Variants in ADGRF4 observed in about 807,000 individuals in gnomAD.
The protein encoded by ADGRF4 is adhesion G protein-coupled receptor F4, also known as G-protein coupled receptor PGR18.
In ADGRF4, 63 loss-of-function variants were observed where a neutral mutation model predicts 58.5. The ratio of observed to expected loss-of-function variants is 1.08; its 90% CI spans 0.88 to 1.33. ADGRF4 has a LOEUF of 1.33. Among genes scored for constraint, ADGRF4 ranks in the 40% most tolerant of loss-of-function variants. ADGRF4 has a pLI of 0.00. For missense variants in ADGRF4, 931 were observed against 843.9 expected, an observed-to-expected ratio of 1.10 and a Z score of -1.28; for synonymous variants, 313 against 295.4, an observed-to-expected ratio of 1.06 and a Z score of -0.61.
chr6:47,710,806 A>G lies in ADGRF4; in HGVS notation c.220A>G (p.Ile74Val), dbSNP rs768793245. The change falls in exon 4 of 10, where the codon ATA (isoleucine) becomes GTA (valine). Residue 74 changes from isoleucine to valine, a missense_variant. By Grantham distance (29) the Ile-to-Val change is conservative. Coordinates refer to ENST00000283303, the MANE Select transcript of ADGRF4 (RefSeq NM_153838.5). ...QPCAKDFHGE[I>V]GFTCNQKKWQ... ...CTGTGCTAAGGACTTTCATGGAGAAATAGGATTTACATGTAATCAAAAAAA... is the reference window on the plus strand; with the variant it reads ...CTGTGCTAAGGACTTTCATGGAGAAGTAGGATTTACATGTAATCAAAAAAA... The G allele has an allele frequency of 3.7e-5, 60 of 1,613,772 alleles. No individual in the cohort carries two copies. The highest frequency in any genetic ancestry group is 5.0e-5 in the Non-Finnish European group (59 of 1,179,812).
At chr6:47,708,378 A>G (rs1320733762) in intron 3 of ADGRF4, 100 bp downstream of exon 3, 2 of 810,292 alleles carry the variant, frequency 2.5e-6, no homozygotes, top group East Asian at 2.6e-5. Context: ...AGGCTTTCCA[A>G]CTGAATAGCA....
rs1296652257 is a variant in ADGRF4 at position 47,710,628 on chromosome 6, C to A, written c.149-107C>A. 6.8e-6 allele frequency: 8 copies of A among 1,169,612 alleles called. No homozygotes were observed. In the Admixed American group the frequency reaches 7.4e-5, roughly 11 times the overall value. The allele number at this position is 1,169,612 out of a possible 1,614,324, so 72.5% of individuals were successfully genotyped here. A position where few individuals can be genotyped will look rare whatever the true frequency, so the allele number is the denominator to read the frequency against. On this transcript the variant is annotated intron_variant, in intron 3 of 9. Coordinates refer to ENST00000283303, the MANE Select transcript of ADGRF4 (RefSeq NM_153838.5). Reference sequence around the variant, plus strand: ...ACCCAGTTCAACCCAATTGCCTCCTCCAGGAAGCAATCCAAAAATCTCCAG... The same window carrying A: ...ACCCAGTTCAACCCAATTGCCTCCTACAGGAAGCAATCCAAAAATCTCCAG...
chr6:47,699,115 C>A (rs993243151), intron 1 of ADGRF4, among the ~76,000 whole-genome samples: 1 of 152,298 alleles, frequency 6.6e-6, no homozygotes, highest in South Asian at 2.1e-4. Flanking sequence ...AATTTCAATA[C>A]CTGTCTTTTA....
rs1438598392 is a variant in ADGRF4, at chr6:47,717,827, CTT to C, written c.2034+479_2034+480del. ...CTTTCCATTCTCCTTATTTGAGACT[CTT>C]TTGAGTAAACCATACTCTCTTGGAT... On this transcript the variant is annotated intron_variant, in intron 8 of 9. Coordinates refer to ENST00000283303, the MANE Select transcript of ADGRF4 (RefSeq NM_153838.5). Among the ~76,000 whole-genome samples, 7 of 152,294 alleles carry C rather than the reference CTT, an allele frequency of 4.6e-5. No homozygotes were observed. In the East Asian group the frequency reaches 1.3e-3, roughly 29 times the overall value.
chr6:47,700,988 G>C (rs903920489), intron 1 of ADGRF4, among the ~76,000 whole-genome samples: 10 of 151,650 alleles, frequency 6.6e-5, no homozygotes, highest in East Asian at 1.9e-4. Context: ...CAGGCTCTGG[G>C]GGGGAAGAGC....
intron 1 of ADGRF4, among the ~76,000 whole-genome samples, 177 bp from the exon 2 acceptor site, chr6:47,707,053 G>A (rs560103122): frequency 2.0e-5 from 3 of 152,000 alleles, no homozygotes; most frequent in African/African-American, 4.8e-5. Flanking sequence ...ATTTTCTTTC[G>A]TACATTTTAG....
intron 8 of ADGRF4, 80 bp from the exon 9 acceptor site, chr6:47,718,309 C>T: frequency 2.5e-6 from 2 of 808,948 alleles, no homozygotes; most frequent in Middle Eastern, 2.3e-4. Context: ...TTCATTTTCA[C>T]ATATTTATCT....
intron 1 of ADGRF4, among the ~76,000 whole-genome samples, chr6:47,703,760 T>C (rs1425886023): frequency 6.6e-6 from 1 of 152,226 alleles, no homozygotes; most frequent in Admixed American, 6.5e-5. Context: ...TAAAAGTTTT[T>C]ATTTATGTAC....
Position 47,708,266 on chromosome 6 carries a change from G to A in ADGRF4, c.136G>A (p.Gly46Arg), listed in dbSNP as rs1469643619. 1 of 1,611,036 alleles carries A rather than the reference G, an allele frequency of 6.2e-7. No homozygotes were observed. Among genetic ancestry groups the A allele is most frequent in the Admixed American group, 1.7e-5 (1 of 59,996 alleles). The change falls in exon 3 of 10, where the codon GGA becomes AGA. Residue 46 changes from glycine (G) to arginine (R), a missense_variant. Coordinates refer to ENST00000283303, the MANE Select transcript of ADGRF4 (RefSeq NM_153838.5). ...LQSPEGKPKT[G>R]RIQEKCEGPC... ...AAGCCCTGAAGGGAAACCCAAGACTGGAAGGATCCAAGGTATGTGGCTATA... is the reference window on the plus strand; with the variant it reads ...AAGCCCTGAAGGGAAACCCAAGACTAGAAGGATCCAAGGTATGTGGCTATA...
intron 1 of ADGRF4, among the ~76,000 whole-genome samples, chr6:47,701,045 G>C (rs555796331): frequency 6.6e-6 from 1 of 152,192 alleles, no homozygotes; most frequent in Admixed American, 6.5e-5. Context: ...AATTTAGGCA[G>C]CGGTGTGAAA....
In ADGRF4 at chr6:47,707,325, AG is replaced by A. The variant is rs745870873; in HGVS notation, c.81del (p.Ile28PhefsTer3). 20 of 1,606,098 alleles carry A rather than the reference AG, an allele frequency of 1.2e-5. No individual in the cohort carries two copies. Among genetic ancestry groups the A allele is most frequent in the Middle Eastern group, 1.7e-4 (1 of 6,052 alleles). On this transcript the variant is annotated frameshift_variant, in exon 2 of 10. Transcript: ENST00000283303. LOFTEE classifies it high-confidence loss of function. ...LSTECSHYRSKIHLKAGDKLQ... is the reference protein window; with the variant it reads ...LSTECSHYRSXIHLKAGDKLQ... ...ACAGAATGTTCCCACTATAGATCCAAGATTCACCTAAAAGTAAGTTTGATCT... is the reference window on the plus strand; with the variant it reads ...ACAGAATGTTCCCACTATAGATCCAAATTCACCTAAAAGTAAGTTTGATCT...
At chr6:47,712,710 A>C (rs1771903267) in intron 5 of ADGRF4, 102 bp downstream of exon 5, 8 of 812,556 alleles carry the variant, frequency 9.8e-6, no homozygotes, top group Middle Eastern at 7.3e-4. Flanking sequence ...GACAGCAACC[A>C]TCAAAGCAAC....
At chr6:47,706,681 G>A (rs1380601870) in intron 1 of ADGRF4, among the ~76,000 whole-genome samples, 2 of 152,212 alleles carry the variant, frequency 1.3e-5, no homozygotes, top group Non-Finnish European at 2.9e-5. Flanking sequence ...CACCGTCACA[G>A]AGATATCCTG....
intron 2 of ADGRF4, among the ~76,000 whole-genome samples, chr6:47,707,729 A>G (rs1771752714): frequency 6.6e-6 from 1 of 152,216 alleles, no homozygotes; most frequent in Non-Finnish European, 1.5e-5. Context: ...TTTTAAAGAT[A>G]TTATTTATAG....
chr6:47,716,662 G>C (rs1772026574), intron 6 of ADGRF4, 144 bp from the exon 7 acceptor site: 1 of 669,840 alleles, frequency 1.5e-6, no homozygotes, highest in Admixed American at 2.8e-5. Context: ...ACCCATCAGT[G>C]CATTTTTATC....
At chr6:47,712,318 TTAA>T in intron 4 of ADGRF4, 36 bp from the exon 5 acceptor site, 1 of 1,604,816 alleles carries the variant, frequency 6.2e-7, no homozygotes, top group Non-Finnish European at 8.5e-7. Flanking sequence ...TGGTAGGTAC[TTAA>T]TCATTTTTGA....
chr6:47,716,850 A>G lies in ADGRF4; in HGVS notation c.1974+3A>G. The G allele has an allele frequency of 1.9e-6, 3 of 1,590,376 alleles. No homozygotes were observed. In the South Asian group the frequency reaches 3.4e-5, roughly 18 times the overall value. On this transcript the variant is annotated splice_donor_region_variant and intron_variant, in intron 7 of 9. Transcript: ENST00000283303. ...TTGGAACCATTATGGATCACAAGGT[A>G]ATTTGAATTTGCTTCCTCCTTATAA...
At chr6:47,710,642 A>G (rs1164100592) in intron 3 of ADGRF4, 93 bp from the exon 4 acceptor site, 8 of 1,374,482 alleles carry the variant, frequency 5.8e-6, no homozygotes, top group Non-Finnish European at 7.9e-6. Context: ...GAAGCAATCC[A>G]AAAATCTCCA....
At chr6:47,699,530 A>T (rs1280332836) in intron 1 of ADGRF4, among the ~76,000 whole-genome samples, 1 of 152,194 alleles carries the variant, frequency 6.6e-6, no homozygotes, top group Non-Finnish European at 1.5e-5. Flanking sequence ...TTGTCTTCCA[A>T]CTCTGAAATT....
Sources: allele counts gnomAD v4.1 joint callset (sites outside exome capture counted in the v4.1 genomes callset), GRCh38; gene constraint gnomAD v4.1.1; transcripts MANE v1.5; gene names NCBI Gene and HGNC (gene_info 2026-07-23, HGNC 2026-07-21).